The following LINGO2 variants were observed in gnomAD, a reference collection of about 807,000 sequenced individuals.
LINGO2 encodes the protein leucine-rich repeat and immunoglobulin-like domain-containing nogo receptor-interacting protein 2.
LINGO2 carries 14 observed loss-of-function variants against 30.6 expected under a neutral mutation model. The observed-to-expected ratio is 0.46, with a 90% CI of 0.30 to 0.72. The LOEUF (loss-of-function observed/expected upper bound fraction) is 0.72, where lower values mean the gene tolerates loss of function less well. Ranked by LOEUF, LINGO2 falls within the 30% of genes least tolerant of loss-of-function variation. The probability of loss-of-function intolerance (pLI) is 0.07; values close to 1 mark genes in which losing one functional copy is unlikely to be tolerated. For synonymous variants in LINGO2, 317 were observed against 288.5 expected, an observed-to-expected ratio of 1.10 and a Z score of -1.00; for missense variants, 729 against 751.7, an observed-to-expected ratio of 0.97 and a Z score of 0.35.
chr9:28,284,801 T>C (rs1470197271), intron 4 of LINGO2, among the ~76,000 whole-genome samples: 2 of 152,208 alleles, frequency 1.3e-5, no homozygotes, highest in Non-Finnish European at 2.9e-5. Flanking sequence ...TATTATTTGA[T>C]AGAAAAACCA....
At chr9:28,196,148 G>A (rs1338619929) in intron 4 of LINGO2, among the ~76,000 whole-genome samples, 1 of 151,466 alleles carries the variant, frequency 6.6e-6, no homozygotes, top group Non-Finnish European at 1.5e-5. Flanking sequence ...TACTTCTCAA[G>A]ATACTGAAAT....
At chr9:28,851,000 C>A in the LINGO2 span, among the ~76,000 whole-genome samples, 1 of 151,978 alleles carries the variant, frequency 6.6e-6, no homozygotes, top group African/African-American at 2.4e-5. Context: ...ATGATACCCA[C>A]AGTAGTTCCC....
chr9:28,686,019 G>A, the LINGO2 span, among the ~76,000 whole-genome samples: 1 of 151,644 alleles, frequency 6.6e-6, no homozygotes, highest in African/African-American at 2.4e-5. Context: ...ACAAGTGAGA[G>A]AGAGAATCAA....
At chr9:28,922,321 G>A in the LINGO2 span, among the ~76,000 whole-genome samples, 2 of 152,058 alleles carry the variant, frequency 1.3e-5, no homozygotes, top group Non-Finnish European at 2.9e-5. Flanking sequence ...AAGCACCATT[G>A]TCTCCGCATG....
At chr9:28,671,833 GCA>G (rs1428780349), upstream of LINGO2, among the ~76,000 whole-genome samples, 1 of 151,854 alleles carries the variant, frequency 6.6e-6, no homozygotes, top group Non-Finnish European at 1.5e-5. Context: ...CTTTGTCAAG[GCA>G]CATATAGAAG....
At chr9:28,899,432 C>T in the LINGO2 span, among the ~76,000 whole-genome samples, 2 of 152,184 alleles carry the variant, frequency 1.3e-5, no homozygotes, top group Non-Finnish European at 2.9e-5. Context: ...AGGCCTTCTC[C>T]AGGGTTAGGC....
the LINGO2 span, among the ~76,000 whole-genome samples, chr9:29,085,913 C>G: frequency 9.9e-5 from 15 of 152,162 alleles, no homozygotes. Context: ...CTCTACACTA[C>G]TTATTCCTGT....
chr9:29,074,953 G>A, the LINGO2 span, among the ~76,000 whole-genome samples: 54 of 151,930 alleles, frequency 3.6e-4, no homozygotes, highest in Admixed American at 2.4e-3. Context: ...TGGGATTACA[G>A]GCGTGAGCCA....
At chr9:28,064,354 G>T (rs769546792) in intron 4 of LINGO2, among the ~76,000 whole-genome samples, 18 of 152,214 alleles carry the variant, frequency 1.2e-4, no homozygotes, top group Non-Finnish European at 1.9e-4. Context: ...CTTATAGCAG[G>T]TTGGATTTCC....
chr9:28,212,568 A>G (rs1227835281), intron 4 of LINGO2, among the ~76,000 whole-genome samples: 1 of 151,492 alleles, frequency 6.6e-6, no homozygotes, highest in Non-Finnish European at 1.5e-5. Context: ...TTGTCTATAT[A>G]CATATACATA....
At chr9:29,073,479 A>C in the LINGO2 span, among the ~76,000 whole-genome samples, 1 of 152,188 alleles carries the variant, frequency 6.6e-6, no homozygotes, top group African/African-American at 2.4e-5. Flanking sequence ...ATGAGCTAAA[A>C]ATGTTTATAA....
the LINGO2 span, among the ~76,000 whole-genome samples, chr9:28,901,309 T>C: frequency 1.3e-5 from 2 of 152,086 alleles, no homozygotes; most frequent in South Asian, 4.1e-4. Context: ...TAACATGAAA[T>C]ACTCAAAGTA....
the LINGO2 span, among the ~76,000 whole-genome samples, chr9:29,004,827 T>C: frequency 5.9e-5 from 9 of 151,870 alleles, no homozygotes; most frequent in Non-Finnish European, 1.2e-4. Flanking sequence ...TAAGAGTTAG[T>C]TTCCTTGAAT....
intron 2 of LINGO2, among the ~76,000 whole-genome samples, chr9:28,466,314 G>C (rs1825301827): frequency 6.6e-6 from 1 of 152,174 alleles, no homozygotes; most frequent in Non-Finnish European, 1.5e-5. Context: ...ATCATTTGCA[G>C]TGACATGGAT....
chr9:28,058,116 G>C (rs1420048632), intron 4 of LINGO2, among the ~76,000 whole-genome samples: 1 of 152,004 alleles, frequency 6.6e-6, no homozygotes, highest in Non-Finnish European at 1.5e-5. Flanking sequence ...ATCCCTTTTA[G>C]ATACTTACCC....
the LINGO2 span, among the ~76,000 whole-genome samples, chr9:28,813,879 G>T: frequency 7.1e-3 from 1,076 of 152,230 alleles, 16 homozygotes; most frequent in African/African-American, 0.024. Flanking sequence ...TGGTCTAGAA[G>T]CAGAAAAACT....
the LINGO2 span, among the ~76,000 whole-genome samples, chr9:28,939,595 C>T: frequency 2.0e-5 from 3 of 152,256 alleles, no homozygotes; most frequent in South Asian, 4.1e-4. Flanking sequence ...GTGATCACTC[C>T]TTTCATACTT....
chr9:28,177,223 G>A (rs1028427748), intron 4 of LINGO2, among the ~76,000 whole-genome samples: 1 of 152,226 alleles, frequency 6.6e-6, no homozygotes, highest in East Asian at 1.9e-4. Context: ...GTAAAGGATG[G>A]TTTTTTTGAG....
At chr9:28,904,073 G>C in the LINGO2 span, among the ~76,000 whole-genome samples, 1 of 151,966 alleles carries the variant, frequency 6.6e-6, no homozygotes, top group Non-Finnish European at 1.5e-5. Context: ...ATCTATAAAT[G>C]TGATATTCTA....
Sources: gnomAD v4.1 joint callset for allele counts (sites outside exome capture counted in the v4.1 genomes callset) on GRCh38, gnomAD v4.1.1 for gene constraint, MANE v1.5 for transcripts, NCBI Gene and HGNC (gene_info 2026-07-23, HGNC 2026-07-21) for gene names.